Variants in FRYL observed in about 807,000 individuals in gnomAD.
FRYL encodes protein furry homolog-like.
In FRYL, 150 loss-of-function variants were observed where a neutral mutation model predicts 351.2. The observed-to-expected ratio is 0.43, with a 90% confidence interval of 0.37 to 0.49. The LOEUF (loss-of-function observed/expected upper bound fraction) is 0.49, where lower values mean the gene tolerates loss of function less well. Among genes scored for constraint, FRYL ranks in the 20% least tolerant of loss-of-function variants. The probability of loss-of-function intolerance (pLI) is 0.00; values close to 1 mark genes in which losing one functional copy is unlikely to be tolerated. For missense variants in FRYL, 3,036 were observed against 3,619.3 expected (o/e 0.84, Z 4.13); for synonymous variants, 1,153 against 1,257.1 (o/e 0.92, Z 1.75).
chr4:48,720,686 TTC>T (rs1161940946), intron 1 of FRYL, among the ~76,000 whole-genome samples: 1 of 152,170 alleles, frequency 6.6e-6, no homozygotes, highest in Non-Finnish European at 1.5e-5. Context: ...CCATTCTATT[TTC>T]TGTCTCTATG....
In FRYL at chr4:48,550,489, T is replaced by C. The variant is rs112141167; in HGVS notation, c.4633+103A>G. On this transcript the variant is annotated intron_variant, in intron 38 of 63. Transcript: ENST00000358350. The stretch of plus-strand genomic sequence containing the variant: ...CACCACTAGTGGCAGTTAAATACGC[T>C]TTTTAAAAACAATTTACTGAAAATA... 1.4e-3 allele frequency: 1,023 copies of C among 756,534 alleles called. 6 individuals carry two copies. In the African/African-American group the frequency reaches 0.015, roughly 11 times the overall value. The allele number at this position is 756,534 out of a possible 1,614,324, so 46.9% of individuals were successfully genotyped here.
At chr4:48,570,941 T>G (rs373149958) in intron 26 of FRYL, 23 bp from the exon 27 acceptor site, 4 of 1,557,492 alleles carry the variant, frequency 2.6e-6, no homozygotes, top group African/African-American at 1.4e-5. Context: ...TACAAACACA[T>G]TAATTAAAAT....
chr4:48,687,891 T>C (rs1402546768), intron 2 of FRYL, among the ~76,000 whole-genome samples: 1 of 152,144 alleles, frequency 6.6e-6, no homozygotes, highest in Non-Finnish European at 1.5e-5. Flanking sequence ...TTAATTAGTA[T>C]GTAAGTAATA....
chr4:48,661,452 C>T (rs976490257), intron 3 of FRYL, among the ~76,000 whole-genome samples: 8 of 152,312 alleles, frequency 5.3e-5, no homozygotes, highest in African/African-American at 1.9e-4. Context: ...TGAAGTCCCA[C>T]AAACCACAGT....
intron 1 of FRYL, among the ~76,000 whole-genome samples, chr4:48,749,204 G>C (rs1408443548): frequency 6.6e-6 from 1 of 152,210 alleles, no homozygotes; most frequent in African/African-American, 2.4e-5. Flanking sequence ...ACATTTGAAA[G>C]AATCACTCCG....
chr4:48,682,911 TTACTG>T (rs1764770637), intron 3 of FRYL, among the ~76,000 whole-genome samples: 1 of 152,188 alleles, frequency 6.6e-6, no homozygotes, highest in Non-Finnish European at 1.5e-5. Flanking sequence ...AGCAATCCCA[TTACTG>T]GGTACATACC....
At chr4:48,544,133 T>G in intron 43 of FRYL, 136 bp from the exon 44 acceptor site, 1 of 704,848 alleles carries the variant, frequency 1.4e-6, no homozygotes. Flanking sequence ...CAATGCTTTT[T>G]CTTTGCTTAA....
In FRYL at chr4:48,543,413, A is replaced by C. The variant is rs143530742; in HGVS notation, c.5592+394T>G. On this transcript the variant is annotated intron_variant, in intron 44 of 63. Transcript: ENST00000358350. ...ATCCCTGATATTTATAACAGCGTTA[A>C]TAAAGTCATTCATCTGTACAAACTG... Among the ~76,000 whole-genome samples, 159 of 152,348 alleles carry C rather than the reference A, an allele frequency of 1.0e-3. 1 individual carries two copies. Among genetic ancestry groups the C allele is most frequent in the Non-Finnish European group, 5.9e-4 (40 of 68,028 alleles).
In FRYL at chr4:48,567,360, T is replaced by C. The variant is rs1479547951; in HGVS notation, c.3057A>G (p.Val1019=). The change falls in exon 28 of 64, where the codon GTA becomes GTG. Residue 1019 remains valine, a synonymous_variant. Transcript: ENST00000358350. The surrounding 1 kb of genome is among the most constrained non-coding windows in gnomAD (Gnocchi z 4.2). ...CTTCCAGGAGTTGTCTAGTTAAATC[T>C]ACATATTCCAATAAAGTGTTGTTGA... is the stretch of plus-strand genomic sequence containing the variant. The part of the protein sequence containing the change: ...HFLNNTLLEY[V]DLTRQLLEAE... The C allele has an allele frequency of 6.2e-7, 1 of 1,611,854 alleles. No homozygotes were observed. The highest frequency in any genetic ancestry group is 8.5e-7 in the Non-Finnish European group (1 of 1,178,818).
At chr4:48,513,238 A>G (rs2148781521) in intron 56 of FRYL, among the ~76,000 whole-genome samples, 1 of 152,328 alleles carries the variant, frequency 6.6e-6, no homozygotes, top group Non-Finnish European at 1.5e-5. Context: ...CTGGGTAAGA[A>G]ATGACAGAGC....
At chr4:48,530,247 A>G (rs777888910) in intron 50 of FRYL, among the ~76,000 whole-genome samples, 1 of 152,158 alleles carries the variant, frequency 6.6e-6, no homozygotes, top group Non-Finnish European at 1.5e-5. Flanking sequence ...TGTCAAGGCC[A>G]TTCATCAAAT....
At chr4:48,641,255 T>C (rs753104341) in intron 3 of FRYL, among the ~76,000 whole-genome samples, 37 of 152,082 alleles carry the variant, frequency 2.4e-4, no homozygotes, top group Non-Finnish European at 3.5e-4. Flanking sequence ...GATGCACAGA[T>C]ATAGCTTATC....
chr4:48,563,028 T>C, intron 31 of FRYL, 40 bp from the exon 32 acceptor site: 1 of 1,234,630 alleles, frequency 8.1e-7, no homozygotes, highest in Non-Finnish European at 1.2e-6. Context: ...TAACAATGTT[T>C]AGAGGCTTTT....
rs564781812 is a variant in FRYL at position 48,553,304 on chromosome 4, G to A, written c.4346C>T (p.Thr1449Ile). 3.7e-6 allele frequency: 6 copies of A among 1,612,514 alleles called. No individual in the cohort carries two copies. The African/African-American group carries it at 8.0e-5, about 21-fold the overall frequency. The change falls in exon 36 of 64, where the codon ACC (threonine) becomes ATC (isoleucine). Residue 1449 changes from threonine to isoleucine, a missense_variant. Around this residue, in one of 7 missense-constraint regions of FRYL, gnomAD observed 1,987 missense variants for 2,311.7 expected, o/e 0.86. Coordinates refer to ENST00000358350, the MANE Select transcript of FRYL (RefSeq NM_015030.2). Reference sequence around the variant, plus strand: ...AGTGACCCCTGAACTGACAGGATCGGTCAGCTGAAGCTCACTCACCAGCTC... The same window carrying A: ...AGTGACCCCTGAACTGACAGGATCGATCAGCTGAAGCTCACTCACCAGCTC... ...LEELVSELQL[T>I]DPVSSGVTHM...
intron 1 of FRYL, among the ~76,000 whole-genome samples, chr4:48,762,308 T>C (rs1367729754): frequency 6.6e-6 from 1 of 152,206 alleles, no homozygotes; most frequent in African/African-American, 2.4e-5. Context: ...TAGAGCCTAT[T>C]GTTTTGCAGG....
At position 48,741,470 on chromosome 4, in the gene FRYL, G is replaced by A. The variant is rs138587884; in HGVS notation, c.-383-30772C>T. 4.4e-3 allele frequency among the ~76,000 whole-genome samples: 675 copies of A among 152,258 alleles called. 8 individuals carry two copies. The highest frequency in any genetic ancestry group is 0.014 in the African/African-American group (597 of 41,528). Reference sequence around the variant, plus strand: ...CAGGAGAACTGCTTCAACCCGTGACGTGGAGGTTGCAGTCAGCAGAGATTG... The same window carrying A: ...CAGGAGAACTGCTTCAACCCGTGACATGGAGGTTGCAGTCAGCAGAGATTG... On this transcript the variant is annotated intron_variant, in intron 1 of 63. Coordinates refer to ENST00000358350, the MANE Select transcript of FRYL (RefSeq NM_015030.2).
chr4:48,524,996 T>C (rs1725700645), intron 53 of FRYL, among the ~76,000 whole-genome samples: 1 of 151,562 alleles, frequency 6.6e-6, no homozygotes, highest in African/African-American at 2.4e-5. Flanking sequence ...GTCTGTTCTA[T>C]TTCCTACAAT....
intron 3 of FRYL, among the ~76,000 whole-genome samples, chr4:48,664,098 A>G (rs1410484682): frequency 1.3e-5 from 2 of 152,042 alleles, no homozygotes; most frequent in Non-Finnish European, 2.9e-5. Context: ...AAGCAAAGGA[A>G]CTCTGGCTGA....
intron 35 of FRYL, among the ~76,000 whole-genome samples, chr4:48,554,717 TTCTC>T (rs765822938): frequency 1.8e-4 from 27 of 152,320 alleles, no homozygotes; most frequent in East Asian, 5.8e-4. Flanking sequence ...TACTTGCTAA[TTCTC>T]TCTATTTTCA....
Sources: allele counts gnomAD v4.1 joint callset (sites outside exome capture counted in the v4.1 genomes callset), GRCh38; gene constraint gnomAD v4.1.1; regional missense constraint gnomAD v4.1.1; non-coding constraint Gnocchi (gnomAD v3.1); transcripts MANE v1.5; gene names NCBI Gene and HGNC (gene_info 2026-07-23, HGNC 2026-07-21).